Variants in TTC28 observed in about 807,000 individuals in gnomAD.
TTC28 encodes tetratricopeptide repeat protein 28.
A neutral mutation model predicts 198.0 loss-of-function variants in TTC28; 61 were observed. That is an observed-to-expected ratio of 0.31 (90% CI 0.25 to 0.38). The LOEUF is 0.38. Ranked by LOEUF, TTC28 falls within the 10% of genes least tolerant of loss-of-function variation. TTC28 has a pLI of 1.00. For synonymous variants in TTC28, 1,171 were observed against 1,297.8 expected, an observed-to-expected ratio of 0.90 and a Z score of 2.10; for missense variants, 2,678 against 3,164.0, an observed-to-expected ratio of 0.85 and a Z score of 3.69.
intron 12 of TTC28, among the ~76,000 whole-genome samples, chr22:28,062,775 G>C (rs1049466163): frequency 6.6e-6 from 1 of 151,920 alleles, no homozygotes; most frequent in African/African-American, 2.4e-5. Flanking sequence ...CTTTTTTATA[G>C]TTTCTAGTTC....
chr22:28,130,899 A>T (rs1943045598), intron 6 of TTC28, among the ~76,000 whole-genome samples: 1 of 152,246 alleles, frequency 6.6e-6, no homozygotes, highest in Non-Finnish European at 1.5e-5. Flanking sequence ...CTTTTTTCCC[A>T]AACTACAATA....
intron 2 of TTC28, among the ~76,000 whole-genome samples, chr22:28,533,217 TA>T (rs984460580): frequency 6.6e-6 from 1 of 152,070 alleles, no homozygotes. Flanking sequence ...AGTCTCAGGA[TA>T]AAAAAATCAA....
intron 2 of TTC28, among the ~76,000 whole-genome samples, chr22:28,523,111 T>C (rs757410127): frequency 6.6e-5 from 10 of 152,056 alleles, no homozygotes; most frequent in Non-Finnish European, 1.5e-4. Flanking sequence ...TTGCAAGAGA[T>C]ATACTTTAAA....
intron 12 of TTC28, among the ~76,000 whole-genome samples, chr22:28,032,223 ATATATATATAAAAT>A (rs1235012375): frequency 1.0e-4 from 13 of 127,316 alleles, no homozygotes; most frequent in East Asian, 6.7e-4. Flanking sequence ...TATATAAAAT[ATATATATATAAAAT>A]ATATATATAT....
At chr22:28,236,372 G>A (rs779388538) in intron 5 of TTC28, among the ~76,000 whole-genome samples, 12 of 152,132 alleles carry the variant, frequency 7.9e-5, no homozygotes, top group Admixed American at 2.6e-4. Context: ...TTGCATGACC[G>A]ATATTATTAT....
At chr22:28,245,181 T>C (rs1929989515) in intron 5 of TTC28, among the ~76,000 whole-genome samples, 1 of 152,236 alleles carries the variant, frequency 6.6e-6, no homozygotes, top group South Asian at 2.1e-4. Flanking sequence ...TTTGGGATTC[T>C]GATAATGTTT....
chr22:28,184,573 A>G (rs552278574), intron 5 of TTC28, among the ~76,000 whole-genome samples: 1 of 151,686 alleles, frequency 6.6e-6, no homozygotes, highest in Non-Finnish European at 1.5e-5. Flanking sequence ...ACATTTTTAA[A>G]TTTTTTTTTA....
In TTC28 at chr22:28,336,408, G is replaced by A. The variant is rs186608996; in HGVS notation, c.382-29765C>T. Among the ~76,000 whole-genome samples, 8 of 152,288 alleles carry A rather than the reference G, an allele frequency of 5.3e-5. No individual in the cohort carries two copies. In the East Asian group the frequency reaches 1.5e-3, roughly 29 times the overall value. On this transcript the variant is annotated intron_variant, in intron 2 of 22. Transcript: ENST00000397906. ...CTATTGATTGGAATAGTTTCAGAAG[G>A]AATGGTACCAGTTCCTCCTTGTACC...
intron 6 of TTC28, among the ~76,000 whole-genome samples, chr22:28,125,538 C>T (rs769306193): frequency 3.3e-5 from 5 of 152,180 alleles, no homozygotes; most frequent in Non-Finnish European, 7.3e-5. Context: ...ACCACCAATG[C>T]TGCCAAAGGC....
intron 5 of TTC28, among the ~76,000 whole-genome samples, chr22:28,217,052 G>A (rs1286566250): frequency 1.3e-5 from 2 of 152,060 alleles, no homozygotes; most frequent in Non-Finnish European, 2.9e-5. Flanking sequence ...GTGATGAAAC[G>A]TTTAGCTTCA....
At chr22:28,374,470 C>T (rs1302792339) in intron 2 of TTC28, among the ~76,000 whole-genome samples, 1 of 151,954 alleles carries the variant, frequency 6.6e-6, no homozygotes, top group Non-Finnish European at 1.5e-5. Context: ...TAAATGTAGA[C>T]ACAAATAAAA....
intron 2 of TTC28, among the ~76,000 whole-genome samples, chr22:28,386,246 C>G (rs1448367407): frequency 8.1e-6 from 1 of 123,810 alleles, no homozygotes; most frequent in Non-Finnish European, 1.6e-5. Flanking sequence ...CTGCACTCCA[C>G]CCTGGGCGAC....
At chr22:28,028,209 G>A (rs911426930) in intron 13 of TTC28, among the ~76,000 whole-genome samples, 1 of 152,230 alleles carries the variant, frequency 6.6e-6, no homozygotes, top group Non-Finnish European at 1.5e-5. Flanking sequence ...ATTGGGTCAG[G>A]CCTTGCCAAG....
In TTC28 at chr22:28,083,346, C is replaced by G. The variant is rs1422847134; in HGVS notation, c.3932+10734G>C. Reference sequence around the variant, plus strand: ...TTGAAATACAGTATTCACCAAGAGACAAGAATGGAAAATAAACCCAGAATA... The same window carrying G: ...TTGAAATACAGTATTCACCAAGAGAGAAGAATGGAAAATAAACCCAGAATA... On this transcript the variant is annotated intron_variant, in intron 12 of 22. Transcript: ENST00000397906. Among the ~76,000 whole-genome samples the G allele has an allele frequency of 2.0e-5, 3 of 152,048 alleles. No homozygotes were observed. The East Asian group carries it at 5.8e-4, about 29-fold the overall frequency.
chr22:28,450,705 T>A (rs1360732014), intron 2 of TTC28, among the ~76,000 whole-genome samples: 1 of 152,130 alleles, frequency 6.6e-6, no homozygotes, highest in African/African-American at 2.4e-5. Flanking sequence ...GTTTCAGTGG[T>A]ATAATCATTT....
chr22:28,539,452 T>C (rs767878594), intron 2 of TTC28, among the ~76,000 whole-genome samples: 1 of 151,922 alleles, frequency 6.6e-6, no homozygotes, highest in African/African-American at 2.4e-5. Context: ...CTGAGCAACA[T>C]GGTGAAAACC....
At chr22:28,506,964 A>G (rs1422648573) in intron 2 of TTC28, among the ~76,000 whole-genome samples, 1 of 152,256 alleles carries the variant, frequency 6.6e-6, no homozygotes, top group Non-Finnish European at 1.5e-5. Flanking sequence ...AAGAATCAAC[A>G]CAAAAATACT....
chr22:28,539,744 CAAG>C (rs140219901), intron 2 of TTC28, among the ~76,000 whole-genome samples: 11,911 of 151,896 alleles, frequency 0.078, 584 homozygotes, highest in Admixed American at 0.14. Flanking sequence ...GATAGAGTAT[CAAG>C]AAGAAGGTGG....
intron 2 of TTC28, among the ~76,000 whole-genome samples, chr22:28,560,308 T>C (rs939463107): frequency 6.6e-6 from 1 of 152,238 alleles, no homozygotes; most frequent in African/African-American, 2.4e-5. Flanking sequence ...TTGACCTTCC[T>C]GCTTCTAGCC....
Sources: allele counts gnomAD v4.1 joint callset (sites outside exome capture counted in the v4.1 genomes callset), GRCh38; gene constraint gnomAD v4.1.1; transcripts MANE v1.5; gene names NCBI Gene and HGNC (gene_info 2026-07-23, HGNC 2026-07-21).